Variants in EFCAB12 observed in about 807,000 individuals in gnomAD.
EFCAB12 encodes the protein EF-hand calcium binding domain 12.
A neutral mutation model predicts 53.6 loss-of-function variants in EFCAB12; 43 were observed. That is an observed-to-expected ratio of 0.80 (90% CI 0.63 to 1.03). EFCAB12 has a LOEUF of 1.03. Ranked by LOEUF, EFCAB12 falls within the 50% of genes least tolerant of loss-of-function variation. The pLI, the probability that EFCAB12 is intolerant of heterozygous loss-of-function variation, is 0.00. For missense variants in EFCAB12, 646 were observed against 730.6 expected (o/e 0.88, Z 1.34); for synonymous variants, 269 against 289.2 (o/e 0.93, Z 0.71).
At chr3:129,409,859 C>T (rs1437544791) in intron 5 of EFCAB12, among the ~76,000 whole-genome samples, 1 of 152,150 alleles carries the variant, frequency 6.6e-6, no homozygotes, top group Non-Finnish European at 1.5e-5. Context: ...CCTGCTCAAA[C>T]ATTTTGGGTT....
At chr3:129,424,289 C>T (rs2072224233) in intron 1 of EFCAB12, among the ~76,000 whole-genome samples, 1 of 152,128 alleles carries the variant, frequency 6.6e-6, no homozygotes, top group South Asian at 2.1e-4. Context: ...TGTGTCCTTG[C>T]CCAAATCTCA....
chr3:129,409,295 T>C (rs1040686444), intron 5 of EFCAB12, among the ~76,000 whole-genome samples: 3 of 152,066 alleles, frequency 2.0e-5, no homozygotes, highest in Non-Finnish European at 4.4e-5. Flanking sequence ...ACAAAAAAAT[T>C]AGCTGGGCAT....
intron 1 of EFCAB12, among the ~76,000 whole-genome samples, chr3:129,423,379 C>G (rs1019133756): frequency 1.3e-5 from 2 of 152,154 alleles, no homozygotes; most frequent in Non-Finnish European, 2.9e-5. Context: ...GTAATCCAAG[C>G]ACTTTGGGAG....
At chr3:129,424,108 C>G (rs4128190) in intron 1 of EFCAB12, among the ~76,000 whole-genome samples, 13,067 of 151,120 alleles carry the variant, frequency 0.086, 810 homozygotes, top group South Asian at 0.18. Context: ...TTCCCAACAG[C>G]CTGTGAGTTT....
At position 129,411,480 on chromosome 3, in the gene EFCAB12, G is replaced by A. The variant is rs560008115; in HGVS notation, c.839-126C>T. Reference sequence around the variant, plus strand: ...CCACCCCTCCGCTCCCTTCCCACACGTCTGGGCAGTGCCCACCTAAGCCAC... The same window carrying A: ...CCACCCCTCCGCTCCCTTCCCACACATCTGGGCAGTGCCCACCTAAGCCAC... On this transcript the variant is annotated intron_variant, in intron 4 of 8. Coordinates refer to ENST00000505956, the MANE Select transcript of EFCAB12 (RefSeq NM_207307.3). 127 of 975,482 alleles carry A rather than the reference G, an allele frequency of 1.3e-4. No individual in the cohort carries two copies. The African/African-American group carries it at 1.6e-3, about 12-fold the overall frequency. 60.4% of individuals were successfully genotyped at this position (975,482 alleles called of 1,614,324 possible).
intron 6 of EFCAB12, 98 bp downstream of exon 6, chr3:129,408,547 G>T: frequency 3.9e-6 from 5 of 1,293,794 alleles, no homozygotes; most frequent in Non-Finnish European, 4.3e-6. Flanking sequence ...GATTACAGTG[G>T]CTTGAATGGC....
At chr3:129,411,549 A>G in intron 4 of EFCAB12, 195 bp from the exon 5 acceptor site, 1 of 506,770 alleles carries the variant, frequency 2.0e-6, no homozygotes, top group Non-Finnish European at 3.4e-6. Flanking sequence ...ATCTCCACTA[A>G]TGGCGTCCCT....
chr3:129,427,582 G>T (rs1047676628), intron 1 of EFCAB12, among the ~76,000 whole-genome samples: 11 of 152,144 alleles, frequency 7.2e-5, no homozygotes, highest in Non-Finnish European at 2.9e-5. Context: ...GGGAAAGGTG[G>T]CCAGCCTCTC....
At chr3:129,409,165 C>T (rs1003250570) in intron 5 of EFCAB12, among the ~76,000 whole-genome samples, 2 of 152,234 alleles carry the variant, frequency 1.3e-5, no homozygotes, top group South Asian at 2.1e-4. Context: ...AAAGGACATT[C>T]GCGGGGCCAC....
chr3:129,419,517 G>A (rs1229103925), intron 2 of EFCAB12, among the ~76,000 whole-genome samples: 1 of 152,218 alleles, frequency 6.6e-6, no homozygotes, highest in Non-Finnish European at 1.5e-5. Context: ...ATGGGCTAAG[G>A]ATTAATTGGT....
At chr3:129,415,172 G>A in intron 4 of EFCAB12, 73 bp downstream of exon 4, 1 of 1,484,778 alleles carries the variant, frequency 6.7e-7, no homozygotes, top group Non-Finnish European at 8.9e-7. Flanking sequence ...TTGGAGGAGA[G>A]GCCAAGGCTG....
chr3:129,406,754 C>T (rs1362338999), intron 6 of EFCAB12, among the ~76,000 whole-genome samples: 4 of 152,110 alleles, frequency 2.6e-5, no homozygotes, highest in African/African-American at 4.8e-5. Flanking sequence ...CCACCCACCT[C>T]GGCCTCCCAA....
At position 129,418,425 on chromosome 3, in the gene EFCAB12, C is replaced by A. The variant is rs931544294; in HGVS notation, c.510G>T (p.Arg170=). The A allele has an allele frequency of 8.7e-6, 14 of 1,610,048 alleles. No homozygotes were observed. The highest frequency in any genetic ancestry group is 1.1e-5 in the Non-Finnish European group (13 of 1,178,166). Residue 170 remains arginine, a synonymous_variant, in exon 3 of 9, where the codon CGG becomes CGT. Transcript: ENST00000505956. ...TTRKKAPRLS[R]LSRQMVPQLQ... ...GCTGGGGCACCATCTGGCGGGACAG[C>A]CGGGAGAGCCTGGGGGCTTTCTTCT...
Position 129,401,702 on chromosome 3 carries a change from G to A in EFCAB12, c.1610C>T (p.Pro537Leu), listed in dbSNP as rs1443220115. Residue 537 changes from proline to leucine, a missense_variant, in exon 9 of 9, where the codon CCC becomes CTC. By Grantham distance (98) the Pro-to-Leu change is moderately conservative. Coordinates refer to ENST00000505956, the MANE Select transcript of EFCAB12 (RefSeq NM_207307.3). ...GTGGTAGGTGGCTGGGTAGACATGGGGCTGGTGTTGAACACAACTGAAGAG... is the reference window on the plus strand; with the variant it reads ...GTGGTAGGTGGCTGGGTAGACATGGAGCTGGTGTTGAACACAACTGAAGAG... ...LALFSCVQHQ[P>L]HVYPATYHPD... is the part of the protein sequence containing the mutation. 1.3e-6 allele frequency: 2 copies of A among 1,594,176 alleles called. No individual in the cohort carries two copies. Among genetic ancestry groups the A allele is most frequent in the South Asian group, 2.3e-5 (2 of 87,914 alleles).
chr3:129,406,462 C>T (rs2071952074), intron 6 of EFCAB12, among the ~76,000 whole-genome samples: 1 of 152,076 alleles, frequency 6.6e-6, no homozygotes, highest in South Asian at 2.1e-4. Context: ...TCCTTAGTAC[C>T]TTAGAATGTG....
intron 3 of EFCAB12, 58 bp downstream of exon 3, chr3:129,418,196 G>T: frequency 6.8e-7 from 1 of 1,470,104 alleles, no homozygotes; most frequent in Non-Finnish European, 9.1e-7. Flanking sequence ...TGGCAAAGAG[G>T]GAGTACATGT....
At chr3:129,418,082 T>G (rs138125870) in intron 3 of EFCAB12, among the ~76,000 whole-genome samples, 172 bp downstream of exon 3, 1 of 152,154 alleles carries the variant, frequency 6.6e-6, no homozygotes, top group Non-Finnish European at 1.5e-5. Context: ...CACAAGTTAA[T>G]CCATATTTTC....
intron 1 of EFCAB12, among the ~76,000 whole-genome samples, chr3:129,424,309 A>G (rs4128192): frequency 0.1 from 15,595 of 152,240 alleles, 918 homozygotes; most frequent in African/African-American, 0.13. Context: ...ATGTTAAATT[A>G]TAATCCCCAT....
chr3:129,406,048 TAA>T (rs528836223), intron 6 of EFCAB12, among the ~76,000 whole-genome samples: 15 of 137,812 alleles, frequency 1.1e-4, no homozygotes, highest in South Asian at 2.3e-4. Flanking sequence ...CCCCATCTCT[TAA>T]AAAAAAAAAA....
Sources: allele counts gnomAD v4.1 joint callset (sites outside exome capture counted in the v4.1 genomes callset), GRCh38; gene constraint gnomAD v4.1.1; transcripts MANE v1.5; gene names NCBI Gene and HGNC (gene_info 2026-07-23, HGNC 2026-07-21).